AHRR: variants seen among roughly 807,000 people sequenced by gnomAD.
AHRR encodes aryl hydrocarbon receptor repressor, also known as ahR repressor.
Under a neutral mutation model 44.0 loss-of-function variants are expected in AHRR, and 28 were observed. The observed-to-expected ratio is 0.64, with a 90% CI of 0.47 to 0.87. AHRR has a LOEUF of 0.87. AHRR is among the 40% of genes least tolerant of loss of function. The probability of loss-of-function intolerance (pLI) is 0.00; values close to 1 mark genes in which losing one functional copy is unlikely to be tolerated. For synonymous variants in AHRR, 434 were observed against 407.0 expected (o/e 1.07, Z -0.80); for missense variants, 990 against 953.9 (o/e 1.04, Z -0.50).
In AHRR at chr5:383,448, C is replaced by G. The variant is rs1479128747; in HGVS notation, c.351+6732C>G. Reference sequence around the variant, plus strand: ...GGGTACATACTCATTTAGGATATTACTGTGTTTTCTTCATGAATTGACCCT... The same window carrying G: ...GGGTACATACTCATTTAGGATATTAGTGTGTTTTCTTCATGAATTGACCCT... On this transcript the variant is annotated intron_variant, in intron 4 of 10. Coordinates refer to ENST00000684583, the MANE Select transcript of AHRR (RefSeq NM_001377236.1). The surrounding 1 kb of genome is among the most constrained non-coding windows in gnomAD (Gnocchi z 4.0). 6.6e-6 allele frequency among the ~76,000 whole-genome samples: 1 copy of G among 152,326 alleles called. No individual in the cohort carries two copies. The highest frequency in any genetic ancestry group is 1.9e-4 in the East Asian group (1 of 5,196).
chr5:407,922 C>G (rs1426363849), intron 4 of AHRR, among the ~76,000 whole-genome samples: 2 of 152,218 alleles, frequency 1.3e-5, no homozygotes, highest in African/African-American at 2.4e-5. Flanking sequence ...TCACTTTTCC[C>G]CAATTGTTGT....
chr5:363,267 C>G (rs969173230), intron 3 of AHRR, among the ~76,000 whole-genome samples: 15 of 152,194 alleles, frequency 9.9e-5, no homozygotes, highest in African/African-American at 3.6e-4. Flanking sequence ...TGGCAGAGAG[C>G]TGGCACATGA....
intron 3 of AHRR, among the ~76,000 whole-genome samples, chr5:361,280 GA>G (rs1469124894): frequency 2.0e-5 from 3 of 152,192 alleles, no homozygotes; most frequent in African/African-American, 4.8e-5. Flanking sequence ...TGCACGTGGT[GA>G]AACAGCCATT....
intron 5 of AHRR, chr5:421,042 G>A (rs528831374): frequency 3.9e-5 from 20 of 512,730 alleles, no homozygotes; most frequent in African/African-American, 6.2e-5. Flanking sequence ...AGCAAGAAAC[G>A]TGGCCTATCC....
intron 2 of AHRR, among the ~76,000 whole-genome samples, chr5:352,329 C>G (rs961064309): frequency 1.8e-4 from 25 of 137,324 alleles, no homozygotes; most frequent in East Asian, 1.6e-3. Context: ...GATGGTCACT[C>G]TGAGGTTAAA....
intron 2 of AHRR, among the ~76,000 whole-genome samples, chr5:345,325 T>C (rs1278806478): frequency 2.2e-5 from 1 of 44,490 alleles, no homozygotes; most frequent in Non-Finnish European, 4.5e-5. Flanking sequence ...TGTGTGTGTG[T>C]GTGTGTGGGG....
At chr5:422,976 C>T in intron 6 of AHRR, 118 bp downstream of exon 6, 1 of 1,352,282 alleles carries the variant, frequency 7.4e-7, no homozygotes, top group Non-Finnish European at 9.9e-7. Flanking sequence ...ACACATTGAC[C>T]TTAGCGCCAA....
At chr5:368,037 A>C in intron 3 of AHRR, 2 of 661,290 alleles carry the variant, frequency 3.0e-6, no homozygotes, top group South Asian at 3.2e-5. Context: ...CCAGCCCCAT[A>C]TGGGTGTTAG....
At chr5:389,054 G>A (rs1218473216) in intron 4 of AHRR, among the ~76,000 whole-genome samples, 1 of 152,132 alleles carries the variant, frequency 6.6e-6, no homozygotes, top group African/African-American at 2.4e-5. Flanking sequence ...TGAGCCACAT[G>A]GTCACAGTCT....
intron 5 of AHRR, chr5:421,009 A>C: frequency 2.2e-6 from 1 of 449,354 alleles, no homozygotes; most frequent in South Asian, 2.6e-5. Flanking sequence ...CTTATGGTTC[A>C]GGAGGTGGAA....
At chr5:328,125 G>T (rs200344724) in intron 1 of AHRR, among the ~76,000 whole-genome samples, 1 of 151,954 alleles carries the variant, frequency 6.6e-6, no homozygotes, top group Non-Finnish European at 1.5e-5. Flanking sequence ...CATCATTTTT[G>T]ATGGCTGTGG....
At chr5:403,668 A>T in intron 4 of AHRR, 2 of 632,620 alleles carry the variant, frequency 3.2e-6, no homozygotes, top group Non-Finnish European at 5.3e-6. Flanking sequence ...ACCACTTTAA[A>T]TAGTTAAAAT....
intron 8 of AHRR, among the ~76,000 whole-genome samples, chr5:431,853 GC>G (rs1279457575): frequency 1.3e-5 from 2 of 152,256 alleles, no homozygotes; most frequent in African/African-American, 4.8e-5. Context: ...TCCTGGAGGT[GC>G]CCAGAGGACA....
At chr5:355,624 G>A (rs1015271566) in intron 3 of AHRR, among the ~76,000 whole-genome samples, 3 of 152,316 alleles carry the variant, frequency 2.0e-5, no homozygotes, top group African/African-American at 4.8e-5. Flanking sequence ...GAAAGTCTTC[G>A]ATTCTGGTGT....
rs1223812146 is a variant in AHRR, at chr5:337,159, A to AT, written c.-10-6728dup. 3.9e-5 allele frequency among the ~76,000 whole-genome samples: 6 copies of AT among 152,062 alleles called. No individual in the cohort carries two copies. The highest frequency in any genetic ancestry group is 9.7e-5 in the African/African-American group (4 of 41,390). ...TAGAGAAAATTATACAAAGAGCTCA[A>AT]TTTTTTCATCAGCTAGCATAGGTAA... is the stretch of plus-strand genomic sequence containing the variant. On this transcript the variant is annotated intron_variant, in intron 1 of 10. Coordinates refer to ENST00000684583, the MANE Select transcript of AHRR (RefSeq NM_001377236.1). The surrounding 1 kb of genome is among the most constrained non-coding windows in gnomAD (Gnocchi z 4.1).
intron 5 of AHRR, among the ~76,000 whole-genome samples, chr5:421,655 G>T (rs1736128707): frequency 6.6e-6 from 1 of 152,214 alleles, no homozygotes; most frequent in African/African-American, 2.4e-5. Context: ...CTGTTCCTCT[G>T]TTCACCGCTT....
At chr5:348,937 T>G (rs1195755503) in intron 2 of AHRR, among the ~76,000 whole-genome samples, 1 of 152,222 alleles carries the variant, frequency 6.6e-6, no homozygotes, top group African/African-American at 2.4e-5. Flanking sequence ...CCAGACACTG[T>G]GTGTGAGAAT....
In AHRR at chr5:344,738, T is replaced by C. The variant is rs56283026; in HGVS notation, c.62+774T>C. Among the ~76,000 whole-genome samples, 125 of 19,404 alleles carry C rather than the reference T, an allele frequency of 6.4e-3. 1 individual carries two copies. The highest frequency in any genetic ancestry group is 0.012 in the African/African-American group (32 of 2,760). 12.7% of individuals were successfully genotyped at this position (19,404 alleles called of 152,430 possible). A position where few individuals can be genotyped will look rare whatever the true frequency, so the allele number is the denominator to read the frequency against. On this transcript the variant is annotated intron_variant, in intron 2 of 10. Coordinates refer to ENST00000684583, the MANE Select transcript of AHRR (RefSeq NM_001377236.1). ...GGGTGTGTGTGTGAGGCTGTGTGTG[T>C]GCGGGGGGAGCTGTGTGTGTGTGGG... is the stretch of plus-strand genomic sequence containing the variant.
rs1487308255 is a variant in AHRR, at chr5:337,083, T to G, written c.-10-6810T>G. 6.6e-6 allele frequency among the ~76,000 whole-genome samples: 1 copy of G among 152,222 alleles called. No individual in the cohort carries two copies. Among genetic ancestry groups the G allele is most frequent in the African/African-American group, 2.4e-5 (1 of 41,454 alleles). On this transcript the variant is annotated intron_variant, in intron 1 of 10. Coordinates refer to ENST00000684583, the MANE Select transcript of AHRR (RefSeq NM_001377236.1). This position sits in a 1 kb window ranked among gnomAD's most constrained non-coding sequence, Gnocchi z 4.1. ...ACAGTTTCTTTCTTTTTAATGTTTT[T>G]TTTTAAAGCCAAACATTTTATTATG...
Sources: gnomAD v4.1 joint callset for allele counts (sites outside exome capture counted in the v4.1 genomes callset) on GRCh38, gnomAD v4.1.1 for gene constraint, Gnocchi (gnomAD v3.1) non-coding constraint, MANE v1.5 for transcripts, NCBI Gene and HGNC (gene_info 2026-07-23, HGNC 2026-07-21) for gene names.